Variants in NFXL1 observed in about 807,000 individuals in gnomAD.
The protein encoded by NFXL1 is NF-X1-type zinc finger protein NFXL1.
A neutral mutation model predicts 123.3 loss-of-function variants in NFXL1; 66 were observed. That is an observed-to-expected ratio of 0.54 (90% CI 0.44 to 0.66). The LOEUF is 0.66. Ranked by LOEUF, NFXL1 falls within the 30% of genes least tolerant of loss-of-function variation. The pLI is 0.00. For missense variants in NFXL1, 944 were observed against 1,125.6 expected (o/e 0.84, Z 2.31); for synonymous variants, 346 against 360.8 (o/e 0.96, Z 0.46).
At position 47,848,402 on chromosome 4, in the gene NFXL1, C is replaced by T. The variant is rs916252441; in HGVS notation, c.2563-66G>A. Reference sequence around the variant, plus strand: ...ACATTGATTTGAAAGTTTCCATTTACATAAAAATCAATTTGGGTAATGTTT... The same window carrying T: ...ACATTGATTTGAAAGTTTCCATTTATATAAAAATCAATTTGGGTAATGTTT... On this transcript the variant is annotated intron_variant, in intron 22 of 22. Transcript: ENST00000507489. The T allele has an allele frequency of 9.5e-6, 12 of 1,258,122 alleles. No individual in the cohort carries two copies. In the Admixed American group the frequency reaches 2.6e-4, roughly 28 times the overall value. The allele number at this position is 1,258,122 out of a possible 1,614,324, so 77.9% of individuals were successfully genotyped here. A position where few individuals can be genotyped will look rare whatever the true frequency, so the allele number is the denominator to read the frequency against.
chr4:47,898,742 T>C lies in NFXL1; in HGVS notation c.1089+15A>G. The C allele has an allele frequency of 2.1e-6, 3 of 1,402,198 alleles. No individual in the cohort carries two copies. Among genetic ancestry groups the C allele is most frequent in the Non-Finnish European group, 3.0e-6 (3 of 986,990 alleles). The allele number at this position is 1,402,198 out of a possible 1,614,324, so 86.9% of individuals were successfully genotyped here. On this transcript the variant is annotated intron_variant, in intron 8 of 22. Coordinates refer to ENST00000507489, the MANE Select transcript of NFXL1 (RefSeq NM_001278624.2). Reference sequence around the variant, plus strand: ...ACTCTTTAATACCCACCCCTCAAAATGCATATAAACTTACTTGATCACAGT... The same window carrying C: ...ACTCTTTAATACCCACCCCTCAAAACGCATATAAACTTACTTGATCACAGT...
intron 19 of NFXL1, among the ~76,000 whole-genome samples, 183 bp from the exon 20 acceptor site, chr4:47,855,346 T>G (rs1429628180): frequency 6.7e-6 from 1 of 149,196 alleles, no homozygotes; most frequent in Non-Finnish European, 1.5e-5. Context: ...CTTATATAAT[T>G]TAATTATATA....
At chr4:47,856,124 G>A (rs1275610770) in intron 19 of NFXL1, among the ~76,000 whole-genome samples, 2 of 151,996 alleles carry the variant, frequency 1.3e-5, no homozygotes, top group African/African-American at 4.8e-5. Flanking sequence ...TTTGTTAGGG[G>A]TTAAATGTCA....
At position 47,914,216 on chromosome 4, in the gene NFXL1, G is replaced by GAA. The variant is rs745663518; in HGVS notation, c.-2-13_-2-12dup. The GAA allele has an allele frequency of 8.8e-4, 1,033 of 1,175,628 alleles. No individual in the cohort carries two copies. The highest frequency in any genetic ancestry group is 1.5e-3 in the South Asian group (82 of 55,954). 72.8% of individuals were successfully genotyped at this position (1,175,628 alleles called of 1,614,324 possible). ...AGGAAGCTTCCATCCCTGCAAAGGA[G>GAA]AAAAAAAAAAAAAAGAGTGGAAGGA... On this transcript the variant is annotated splice_polypyrimidine_tract_variant and intron_variant, in intron 1 of 22. Transcript: ENST00000507489.
intron 19 of NFXL1, among the ~76,000 whole-genome samples, chr4:47,855,669 C>T (rs920463): frequency 0.82 from 124,290 of 151,978 alleles, 51,041 homozygotes; most frequent in East Asian, 0.98. Context: ...CTGTACTGCA[C>T]TGTGGGAAAA....
intron 19 of NFXL1, among the ~76,000 whole-genome samples, chr4:47,859,993 AT>A (rs1381590447): frequency 6.6e-6 from 1 of 151,984 alleles, no homozygotes; most frequent in East Asian, 1.9e-4. Flanking sequence ...ACAGAAGGGG[AT>A]TGGGGGGATG....
chr4:47,890,771 T>C, intron 11 of NFXL1, 68 bp from the exon 12 acceptor site: 2 of 832,734 alleles, frequency 2.4e-6, no homozygotes, highest in Non-Finnish European at 4.1e-6. Context: ...ATGTCATTAC[T>C]AGTTACAGAA....
At chr4:47,857,912 T>G (rs1405935595) in intron 19 of NFXL1, among the ~76,000 whole-genome samples, 1 of 152,166 alleles carries the variant, frequency 6.6e-6, no homozygotes, top group Non-Finnish European at 1.5e-5. Context: ...TTCCCAAAGC[T>G]TGACTGTATA....
rs775608671 is a variant in NFXL1, at chr4:47,914,112, C to G, written c.92G>C (p.Arg31Pro). The change falls in exon 2 of 23, where the codon CGC becomes CCC. Residue 31 changes from arginine (R) to proline (P), a missense_variant. Transcript: ENST00000507489. ...AAPSGNGVHL[R>P]GAGGGREKGS... is the part of the protein sequence containing the mutation. ...CTTCTCTCGCCCTCCTCCGGCGCCG[C>G]GGAGATGGACTCCATTTCCTGAGGG... The G allele has an allele frequency of 1.9e-5, 29 of 1,552,866 alleles. No individual in the cohort carries two copies. Among genetic ancestry groups the G allele is most frequent in the Non-Finnish European group, 2.5e-5 (29 of 1,148,542 alleles).
chr4:47,856,130 T>C (rs1734398173), intron 19 of NFXL1, among the ~76,000 whole-genome samples: 1 of 152,116 alleles, frequency 6.6e-6, no homozygotes, highest in South Asian at 2.1e-4. Flanking sequence ...AGGGGTTAAA[T>C]GTCAAAGTCA....
At chr4:47,905,476 A>G (rs1251532991) in intron 3 of NFXL1, 130 bp from the exon 4 acceptor site, 1 of 463,394 alleles carries the variant, frequency 2.2e-6, no homozygotes, top group Non-Finnish European at 3.9e-6. Flanking sequence ...GTAAAACAAG[A>G]AGTTTTTTTT....
rs1299996656 is a variant in NFXL1, at chr4:47,862,798, G to C, written c.2316+48C>G. 1.3e-5 allele frequency: 14 copies of C among 1,043,966 alleles called. No homozygotes were observed. The African/African-American group carries it at 1.5e-4, about 11-fold the overall frequency. The allele number at this position is 1,043,966 out of a possible 1,614,324, so 64.7% of individuals were successfully genotyped here. A position where few individuals can be genotyped will look rare whatever the true frequency, so the allele number is the denominator to read the frequency against. On this transcript the variant is annotated intron_variant, in intron 19 of 22. Coordinates refer to ENST00000507489, the MANE Select transcript of NFXL1 (RefSeq NM_001278624.2). ...AAACAAGAAAAAAGAAAATCCAAGAGAAACAATGCCCAAGGAATACAATTT... is the reference window on the plus strand; with the variant it reads ...AAACAAGAAAAAAGAAAATCCAAGACAAACAATGCCCAAGGAATACAATTT...
rs555205641 is a variant in NFXL1 at position 47,897,076 on chromosome 4, G to A, written c.1205-429C>T. Among the ~76,000 whole-genome samples the A allele has an allele frequency of 5.9e-5, 9 of 152,266 alleles. No individual in the cohort carries two copies. The East Asian group carries it at 1.5e-3, about 26-fold the overall frequency. ...TATAATCTCAGCACTTTGGGAGGCC[G>A]AGACAGGAGGATTACTTGAGGCCAG... On this transcript the variant is annotated intron_variant, in intron 9 of 22. Coordinates refer to ENST00000507489, the MANE Select transcript of NFXL1 (RefSeq NM_001278624.2).
chr4:47,868,070 C>T (rs1735204781), intron 18 of NFXL1, among the ~76,000 whole-genome samples: 1 of 152,146 alleles, frequency 6.6e-6, no homozygotes, highest in Non-Finnish European at 1.5e-5. Flanking sequence ...AATCTCAGCA[C>T]TTTGGGAGGC....
intron 3 of NFXL1, among the ~76,000 whole-genome samples, chr4:47,908,955 A>C (rs1486020799): frequency 1.7e-5 from 1 of 58,456 alleles, no homozygotes; most frequent in Non-Finnish European, 4.7e-5. Flanking sequence ...ACTCCGTCGC[A>C]AAAAAAAAAA....
intron 18 of NFXL1, among the ~76,000 whole-genome samples, chr4:47,869,501 A>G (rs1735302172): frequency 6.6e-6 from 1 of 152,208 alleles, no homozygotes; most frequent in Admixed American, 6.5e-5. Context: ...TAGATCTTCT[A>G]TTTTAAAAAT....
Position 47,890,656 on chromosome 4 carries a change from A to G in NFXL1, c.1500T>C (p.Thr500=). Residue 500 remains threonine, a synonymous_variant, in exon 12 of 23, where the codon ACT becomes ACC. Transcript: ENST00000507489. ...CPPCDQNCGR[T]LGCRNHKCPS... The stretch of plus-strand genomic sequence containing the variant: ...GACACTTATGGTTTCTACATCCTAA[A>G]GTCCGTCCACAGTTTTGATCACAAG... The G allele has an allele frequency of 6.2e-7, 1 of 1,611,448 alleles. No homozygotes were observed.
At position 47,874,082 on chromosome 4, in the gene NFXL1, G is replaced by T. The variant is rs1054192064; in HGVS notation, c.2246+1045C>A. On this transcript the variant is annotated intron_variant, in intron 18 of 22. Coordinates refer to ENST00000507489, the MANE Select transcript of NFXL1 (RefSeq NM_001278624.2). ...TCTTCACAGAATTGAAGAGAGTTAGGAACATCTCTAAATGTTGTGGCTGCT... is the reference window on the plus strand; with the variant it reads ...TCTTCACAGAATTGAAGAGAGTTAGTAACATCTCTAAATGTTGTGGCTGCT... 3.9e-5 allele frequency among the ~76,000 whole-genome samples: 6 copies of T among 152,114 alleles called. No individual in the cohort carries two copies. The East Asian group carries it at 1.2e-3, about 29-fold the overall frequency.
At chr4:47,891,790 G>T (rs1560598145) in intron 11 of NFXL1, among the ~76,000 whole-genome samples, 1 of 152,052 alleles carries the variant, frequency 6.6e-6, no homozygotes, top group African/African-American at 2.4e-5. Context: ...TCAAAAATTA[G>T]CCAGGCATGG....
Sources: allele counts gnomAD v4.1 joint callset (sites outside exome capture counted in the v4.1 genomes callset), GRCh38; gene constraint gnomAD v4.1.1; transcripts MANE v1.5; gene names NCBI Gene and HGNC (gene_info 2026-07-23, HGNC 2026-07-21).